TULP4: variants seen among roughly 807,000 people sequenced by gnomAD.
The protein encoded by TULP4 is tubby-related protein 4.
TULP4 carries 16 observed loss-of-function variants against 129.0 expected under a neutral mutation model. That is an observed-to-expected ratio of 0.12 (90% CI 0.08 to 0.19). The LOEUF (loss-of-function observed/expected upper bound fraction) is 0.19, where lower values mean the gene tolerates loss of function less well. Among genes scored for constraint, TULP4 ranks in the 10% least tolerant of loss-of-function variants. The pLI, the probability that TULP4 is intolerant of heterozygous loss-of-function variation, is 1.00. For missense variants in TULP4, 1,842 were observed against 2,059.1 expected (o/e 0.89, Z 2.04); for synonymous variants, 998 against 854.0 (o/e 1.17, Z -2.94).
At chr6:158,474,218 C>G (rs1300084651) in intron 6 of TULP4, among the ~76,000 whole-genome samples, 1 of 152,202 alleles carries the variant, frequency 6.6e-6, no homozygotes, top group East Asian at 1.9e-4. Context: ...GATCCCCCAT[C>G]CTTCTTAGGG....
At chr6:158,352,545 C>T (rs772534187) in intron 1 of TULP4, among the ~76,000 whole-genome samples, 4 of 152,102 alleles carry the variant, frequency 2.6e-5, no homozygotes, top group Non-Finnish European at 5.9e-5. Flanking sequence ...TACAGGTGCC[C>T]ACCACCACGC....
chr6:158,368,430 G>A lies in TULP4; in HGVS notation c.253-44635G>A, dbSNP rs190545958. 2.0e-3 allele frequency among the ~76,000 whole-genome samples: 299 copies of A among 152,260 alleles called. 2 individuals are homozygous for A. The highest frequency in any genetic ancestry group is 2.9e-3 in the South Asian group (14 of 4,818). ...CGATTCTCATGCCTCAGCCTCCCAA[G>A]TAGCTGGGTAGTTTAACTTCTTGAT... On this transcript the variant is annotated intron_variant, in intron 1 of 13. Coordinates refer to ENST00000367097, the MANE Select transcript of TULP4 (RefSeq NM_020245.5).
chr6:158,445,240 T>C (rs530522169), intron 3 of TULP4, among the ~76,000 whole-genome samples: 11 of 152,292 alleles, frequency 7.2e-5, no homozygotes, highest in Non-Finnish European at 1.2e-4. Flanking sequence ...TTGGTCCTGG[T>C]ATATGCATTA....
At chr6:158,484,805 C>T (rs1396466686) in intron 8 of TULP4, among the ~76,000 whole-genome samples, 1 of 152,242 alleles carries the variant, frequency 6.6e-6, no homozygotes, top group South Asian at 2.1e-4. Flanking sequence ...TTATTTAGCG[C>T]GTGCGCCTGT....
In TULP4 at chr6:158,503,482, G is replaced by A; in HGVS notation, c.3819G>A (p.Gln1273=). 1.2e-6 allele frequency: 2 copies of A among 1,613,930 alleles called. No homozygotes were observed. Among genetic ancestry groups the A allele is most frequent in the South Asian group, 2.2e-5 (2 of 91,070 alleles). Residue 1273 remains glutamine (Q), a synonymous_variant, in exon 13 of 14, where the codon CAG becomes CAA. Transcript: ENST00000367097. The surrounding 1 kb of genome is among the most constrained non-coding windows in gnomAD (Gnocchi z 4.3). Reference sequence around the variant, plus strand: ...CCTACAGCGCCTGCCCGCCCATGCAGAACCCCCAGGGCACTCTCCCCCCAA... The same window carrying A: ...CCTACAGCGCCTGCCCGCCCATGCAAAACCCCCAGGGCACTCTCCCCCCAA... ...WSSYSACPPM[Q]NPQGTLPPKP...
At chr6:158,465,828 AG>A (rs1779544910) in intron 6 of TULP4, among the ~76,000 whole-genome samples, 2 of 152,376 alleles carry the variant, frequency 1.3e-5, no homozygotes, top group African/African-American at 4.8e-5. Context: ...TCTTGAAACC[AG>A]GAGAAGTAGA....
intron 1 of TULP4, among the ~76,000 whole-genome samples, chr6:158,335,494 G>A (rs1421688475): frequency 2.0e-5 from 3 of 151,754 alleles, no homozygotes; most frequent in African/African-American, 7.3e-5. Flanking sequence ...ACATTAACAT[G>A]CATTTGAAAG....
At chr6:158,498,916 G>A in intron 12 of TULP4, 104 bp downstream of exon 12, 1 of 1,418,736 alleles carries the variant, frequency 7.0e-7, no homozygotes. Flanking sequence ...TGCTACCTGG[G>A]TTTGGAAAAG....
chr6:158,417,759 A>G (rs1393228686), intron 2 of TULP4, among the ~76,000 whole-genome samples: 1 of 152,222 alleles, frequency 6.6e-6, no homozygotes, highest in East Asian at 1.9e-4. Context: ...ATTATATAGC[A>G]TGCTTTTCAT....
chr6:158,494,529 AC>A (rs1780283882), intron 10 of TULP4, among the ~76,000 whole-genome samples: 1 of 151,784 alleles, frequency 6.6e-6, no homozygotes, highest in African/African-American at 2.4e-5. Flanking sequence ...ACTGGGACAC[AC>A]CCCCACCTTT....
chr6:158,368,956 G>A (rs904662695), intron 1 of TULP4, among the ~76,000 whole-genome samples: 1 of 152,120 alleles, frequency 6.6e-6, no homozygotes, highest in African/African-American at 2.4e-5. Flanking sequence ...CTATGATGTA[G>A]TTTAACCTGT....
intron 1 of TULP4, among the ~76,000 whole-genome samples, chr6:158,306,019 C>T (rs1304609013): frequency 6.6e-6 from 1 of 152,068 alleles, no homozygotes; most frequent in Non-Finnish European, 1.5e-5. Context: ...ACCAGCCTTT[C>T]AGGAATTCGG....
chr6:158,509,439 T>C lies in TULP4; in HGVS notation c.*2745T>C, dbSNP rs1053601550. 6.6e-6 allele frequency: 1 copy of C among 152,190 alleles called. No individual in the cohort carries two copies. Among genetic ancestry groups the C allele is most frequent in the Non-Finnish European group, 1.5e-5 (1 of 68,024 alleles). The allele number at this position is 152,190 out of a possible 1,614,324, so 9.4% of individuals were successfully genotyped here. A position where few individuals can be genotyped will look rare whatever the true frequency, so the allele number is the denominator to read the frequency against. The stretch of plus-strand genomic sequence containing the variant: ...AGTAGCCAAGGAAAGAGTTACTAGG[T>C]AATAAGCTTCACTTTTTGTGTTCTA... On this transcript the variant is annotated 3_prime_UTR_variant, in exon 14 of 14. Transcript: ENST00000367097.
Position 158,324,281 on chromosome 6 carries a change from A to G in TULP4, c.252+10013A>G, listed in dbSNP as rs542438815. On this transcript the variant is annotated intron_variant, in intron 1 of 13. Transcript: ENST00000367097. ...AAATATTCTTACATTCCCTGACTATAGCCATAATTAACGTCATTGTCCTGG... is the reference window on the plus strand; with the variant it reads ...AAATATTCTTACATTCCCTGACTATGGCCATAATTAACGTCATTGTCCTGG... 4.6e-5 allele frequency among the ~76,000 whole-genome samples: 7 copies of G among 152,314 alleles called. No homozygotes were observed. In the East Asian group the frequency reaches 1.3e-3, roughly 29 times the overall value.
chr6:158,392,678 G>A (rs1057154390), intron 1 of TULP4, among the ~76,000 whole-genome samples: 26 of 152,006 alleles, frequency 1.7e-4, no homozygotes, highest in Non-Finnish European at 3.4e-4. Flanking sequence ...AGAGGCAGAC[G>A]AAGGGGATTT....
At chr6:158,500,002 C>G (rs575966181) in intron 12 of TULP4, among the ~76,000 whole-genome samples, 1 of 151,764 alleles carries the variant, frequency 6.6e-6, no homozygotes, top group Non-Finnish European at 1.5e-5. Flanking sequence ...TTTGGTGAAG[C>G]CTCCCATACC....
At chr6:158,232,423 C>G (rs1218150720) in intron 1 of TULP4, 1 of 145,512 alleles carries the variant, frequency 6.9e-6, no homozygotes, top group Non-Finnish European at 1.5e-5. Flanking sequence ...GGGGTCTGCG[C>G]GGCGGGCTTG....
At chr6:158,288,695 T>C (rs1241744830) in intron 1 of TULP4, among the ~76,000 whole-genome samples, 2 of 152,000 alleles carry the variant, frequency 1.3e-5, no homozygotes, top group African/African-American at 4.8e-5. Context: ...AGAGACGGGG[T>C]TTCACCGTGT....
chr6:158,491,784 A>G (rs1780216609), intron 9 of TULP4, among the ~76,000 whole-genome samples: 1 of 141,782 alleles, frequency 7.1e-6, no homozygotes, highest in East Asian at 2.2e-4. Flanking sequence ...AGCCACTGCA[A>G]CTGGCCCAAG....
Sources: gnomAD v4.1 joint callset for allele counts (sites outside exome capture counted in the v4.1 genomes callset) on GRCh38, gnomAD v4.1.1 for gene constraint, Gnocchi (gnomAD v3.1) non-coding constraint, MANE v1.5 for transcripts, NCBI Gene and HGNC (gene_info 2026-07-23, HGNC 2026-07-21) for gene names.